PIP5K1C: variants seen among roughly 807,000 people sequenced by gnomAD.
PIP5K1C encodes phosphatidylinositol-4-phosphate 5-kinase type 1 gamma.
Under a neutral mutation model 80.1 loss-of-function variants are expected in PIP5K1C, and 45 were observed. The observed-to-expected ratio is 0.56, with a 90% CI of 0.44 to 0.72. The LOEUF is 0.72. PIP5K1C is among the 30% of genes least tolerant of loss of function. The pLI is 0.00. For synonymous variants in PIP5K1C, 498 were observed against 420.1 expected (o/e 1.19, Z -2.27); for missense variants, 753 against 954.6 (o/e 0.79, Z 2.78).
At position 3,685,343 on chromosome 19, in the gene PIP5K1C, C is replaced by T. The variant is rs527792665; in HGVS notation, c.94+14954G>A. 1.1e-4 allele frequency among the ~76,000 whole-genome samples: 16 copies of T among 152,304 alleles called. No homozygotes were observed. In the East Asian group the frequency reaches 2.1e-3, roughly 20 times the overall value. On this transcript the variant is annotated intron_variant, in intron 1 of 17. Coordinates refer to ENST00000335312, the MANE Select transcript of PIP5K1C (RefSeq NM_012398.3). Reference sequence around the variant, plus strand: ...GGCACAGGTAAAAAGACAGGAGTCTCGCTGATTATATGGAACTCATAAGGT... The same window carrying T: ...GGCACAGGTAAAAAGACAGGAGTCTTGCTGATTATATGGAACTCATAAGGT...
chr19:3,642,788 A>G (rs2034020209), intron 14 of PIP5K1C, 119 bp downstream of exon 14: 2 of 845,406 alleles, frequency 2.4e-6, no homozygotes, highest in African/African-American at 1.7e-5. Context: ...CTACAATCTT[A>G]AATCTGTCCC....
intron 1 of PIP5K1C, among the ~76,000 whole-genome samples, chr19:3,676,476 G>A (rs990292891): frequency 5.9e-5 from 9 of 152,324 alleles, no homozygotes; most frequent in African/African-American, 1.9e-4. Context: ...CGAAAAACAG[G>A]CAGATCTAGA....
intron 1 of PIP5K1C, among the ~76,000 whole-genome samples, chr19:3,699,424 C>T (rs1434840686): frequency 1.3e-5 from 2 of 152,168 alleles, no homozygotes; most frequent in African/African-American, 4.8e-5. Flanking sequence ...CGCCCGCCCG[C>T]TTGCCCGCCT....
chr19:3,659,474 G>A (rs2034755619), intron 5 of PIP5K1C, among the ~76,000 whole-genome samples: 1 of 152,218 alleles, frequency 6.6e-6, no homozygotes, highest in Non-Finnish European at 1.5e-5. Flanking sequence ...CCTGCTAATG[G>A]ACACGGGTGC....
rs1350465407 is a variant in PIP5K1C at position 3,633,524 on chromosome 19, GC to G, written c.1921-5del. The G allele has an allele frequency of 2.0e-6, 3 of 1,491,232 alleles. No homozygotes were observed. The highest frequency in any genetic ancestry group is 1.4e-5 in the African/African-American group (1 of 71,314). 92.4% of individuals were successfully genotyped at this position (1,491,232 alleles called of 1,614,324 possible). ...CCCAGCTCCTCTCATCGGTGGGCTG[GC>G]AGGTGGGCGCGCGTGCAGGAGGGCG... On this transcript the variant is annotated splice_polypyrimidine_tract_variant and splice_region_variant and intron_variant, in intron 16 of 17. Transcript: ENST00000335312.
At chr19:3,680,728 G>A (rs1457621052) in intron 1 of PIP5K1C, among the ~76,000 whole-genome samples, 1 of 152,220 alleles carries the variant, frequency 6.6e-6, no homozygotes. Flanking sequence ...TTAAGTCAGG[G>A]GTCAGCAAAC....
At chr19:3,685,916 C>G (rs1015012999) in intron 1 of PIP5K1C, among the ~76,000 whole-genome samples, 6 of 151,932 alleles carry the variant, frequency 3.9e-5, no homozygotes, top group African/African-American at 1.2e-4. Flanking sequence ...CAGGCTGGAA[C>G]ACAGTGGTGC....
chr19:3,638,801 G>A, intron 16 of PIP5K1C, 83 bp downstream of exon 16: 1 of 1,562,644 alleles, frequency 6.4e-7, no homozygotes. Flanking sequence ...GCAGGTGTGT[G>A]TATGCGGTGT....
At chr19:3,678,550 AGATGGAAGGAGG>A (rs1568350582) in intron 1 of PIP5K1C, among the ~76,000 whole-genome samples, 2 of 32,418 alleles carry the variant, frequency 6.2e-5, no homozygotes, top group Non-Finnish European at 1.1e-4. Context: ...AGGGATGGAG[AGATGGAAGGAGG>A]GATGGAGGGA....
At position 3,633,002 on chromosome 19, in the gene PIP5K1C, G is replaced by A. The variant is rs2033513158; in HGVS notation, c.*165C>T. 6 of 538,660 alleles carry A rather than the reference G, an allele frequency of 1.1e-5. No individual in the cohort carries two copies. Among genetic ancestry groups the A allele is most frequent in the South Asian group, 2.4e-5 (1 of 40,934 alleles). The allele number at this position is 538,660 out of a possible 1,614,324, so 33.4% of individuals were successfully genotyped here. ...GTGCCGGGGCCCTGGGAGGCTTGTC[G>A]GGGAGGGGCCCGGCCGTCGGCATCC... On this transcript the variant is annotated 3_prime_UTR_variant, in exon 18 of 18. Coordinates refer to ENST00000335312, the MANE Select transcript of PIP5K1C (RefSeq NM_012398.3).
chr19:3,637,415 C>T lies in PIP5K1C; in HGVS notation c.1920+1469G>A. On this transcript the variant is annotated intron_variant, in intron 16 of 17. Coordinates refer to ENST00000335312, the MANE Select transcript of PIP5K1C (RefSeq NM_012398.3). This position sits in a 1 kb window ranked among gnomAD's most constrained non-coding sequence, Gnocchi z 7.0. The stretch of plus-strand genomic sequence containing the variant: ...ACCTCAATTGCAGCCGTGATTTACC[C>T]AAAGCCCTTCTGGAAAACAACTGAC... The T allele has an allele frequency of 6.5e-7, 1 of 1,535,588 alleles. No homozygotes were observed. Among genetic ancestry groups the T allele is most frequent in the Non-Finnish European group, 8.7e-7 (1 of 1,146,792 alleles).
At chr19:3,662,722 C>T (rs1385077988) in intron 3 of PIP5K1C, among the ~76,000 whole-genome samples, 6 of 152,114 alleles carry the variant, frequency 3.9e-5, no homozygotes, top group South Asian at 2.1e-4. Context: ...CGCGCCGTCA[C>T]GCCTGGCTAA....
In PIP5K1C at chr19:3,656,558, C is replaced by T; in HGVS notation, c.469-1G>A. ...TCAGCGGCTCATTGCACAGGGAGTA[C>T]TGGAAGCAGAGGAGGCGGGTCAGCG... On this transcript the variant is annotated splice_acceptor_variant, in intron 5 of 17. Coordinates refer to ENST00000335312, the MANE Select transcript of PIP5K1C (RefSeq NM_012398.3). LOFTEE classifies it high-confidence loss of function. 3 of 1,613,452 alleles carry T rather than the reference C, an allele frequency of 1.9e-6. No homozygotes were observed. Among genetic ancestry groups the T allele is most frequent in the Non-Finnish European group, 2.5e-6 (3 of 1,179,920 alleles).
At position 3,687,319 on chromosome 19, in the gene PIP5K1C, G is replaced by A. The variant is rs555284684; in HGVS notation, c.94+12978C>T. Among the ~76,000 whole-genome samples the A allele has an allele frequency of 6.6e-5, 10 of 152,128 alleles. No homozygotes were observed. The South Asian group carries it at 1.9e-3, about 28-fold the overall frequency. ...GGAGGTTGCAGTGAGCCGAGACTGCGCCACTGCACTCCAGCCTGGGTGGCA... is the reference window on the plus strand; with the variant it reads ...GGAGGTTGCAGTGAGCCGAGACTGCACCACTGCACTCCAGCCTGGGTGGCA... On this transcript the variant is annotated intron_variant, in intron 1 of 17. Transcript: ENST00000335312.
intron 10 of PIP5K1C, 27 bp downstream of exon 10, chr19:3,647,311 G>A (rs1568320717): frequency 5.8e-6 from 9 of 1,553,602 alleles, no homozygotes; most frequent in African/African-American, 1.4e-5. Context: ...ATGGGAGGAG[G>A]AATGGGAGGA....
intron 1 of PIP5K1C, among the ~76,000 whole-genome samples, chr19:3,674,774 G>T (rs190030008): frequency 1.3e-4 from 20 of 152,316 alleles, no homozygotes; most frequent in Non-Finnish European, 2.1e-4. Context: ...GTGCTGCGAT[G>T]ACAGACATGA....
Position 3,647,314 on chromosome 19 carries a change from T to C in PIP5K1C, c.1260+24A>G, listed in dbSNP as rs375863281. Reference sequence around the variant, plus strand: ...GGAGGAGGAGGGATGGGAGGAGGAATGGGAGGAGGGTGCAGGCGCTCACCC... The same window carrying C: ...GGAGGAGGAGGGATGGGAGGAGGAACGGGAGGAGGGTGCAGGCGCTCACCC... On this transcript the variant is annotated intron_variant, in intron 10 of 17. Transcript: ENST00000335312. 3.1e-5 allele frequency: 48 copies of C among 1,555,862 alleles called. No homozygotes were observed. In the African/African-American group the frequency reaches 3.9e-4, roughly 13 times the overall value.
At chr19:3,668,937 T>C (rs762850356) in intron 1 of PIP5K1C, among the ~76,000 whole-genome samples, 5 of 152,186 alleles carry the variant, frequency 3.3e-5, no homozygotes, top group Non-Finnish European at 7.4e-5. Flanking sequence ...TCCAGGCTCA[T>C]GCAGAGGCGG....
chr19:3,683,422 C>T (rs1205056840), intron 1 of PIP5K1C, among the ~76,000 whole-genome samples: 2 of 152,202 alleles, frequency 1.3e-5, no homozygotes, highest in African/African-American at 2.4e-5. Context: ...CACCCTGGAA[C>T]AGCTGGAGCG....
Sources: allele counts gnomAD v4.1 joint callset (sites outside exome capture counted in the v4.1 genomes callset), GRCh38; gene constraint gnomAD v4.1.1; non-coding constraint Gnocchi (gnomAD v3.1); transcripts MANE v1.5; gene names NCBI Gene and HGNC (gene_info 2026-07-23, HGNC 2026-07-21).